Variants in SPPL3 observed in about 807,000 individuals in gnomAD.
SPPL3 encodes the protein signal peptide peptidase-like 3.
In SPPL3, 5 loss-of-function variants were observed where a neutral mutation model predicts 42.4. The ratio of observed to expected loss-of-function variants is 0.12; its 90% confidence interval spans 0.06 to 0.25. The LOEUF (loss-of-function observed/expected upper bound fraction) is 0.25. Among genes scored for constraint, SPPL3 ranks in the 10% least tolerant of loss-of-function variants. The pLI is 1.00. For synonymous variants in SPPL3, 195 were observed against 181.8 expected, an observed-to-expected ratio of 1.07 and a Z score of -0.58; for missense variants, 235 against 489.0, an observed-to-expected ratio of 0.48 and a Z score of 4.90.
intron 1 of SPPL3, among the ~76,000 whole-genome samples, chr12:120,870,304 T>G (rs565740540): frequency 0.042 from 6,332 of 151,278 alleles, 180 homozygotes; most frequent in South Asian, 0.12. Context: ...AATTAGCTGG[T>G]CGTGGTGGCG....
intron 1 of SPPL3, among the ~76,000 whole-genome samples, chr12:120,834,875 C>T (rs1387563058): frequency 6.6e-6 from 1 of 152,090 alleles, no homozygotes; most frequent in Middle Eastern, 3.2e-3. Flanking sequence ...AATCTGATAA[C>T]ATCTTATAAA....
chr12:120,838,011 C>T (rs1180552306), intron 1 of SPPL3, among the ~76,000 whole-genome samples: 1 of 152,062 alleles, frequency 6.6e-6, no homozygotes, highest in South Asian at 2.1e-4. Flanking sequence ...CCAGCCTAGG[C>T]GACTGAGCAA....
intron 1 of SPPL3, among the ~76,000 whole-genome samples, chr12:120,813,303 C>G (rs1870747167): frequency 6.7e-6 from 1 of 149,020 alleles, no homozygotes; most frequent in African/African-American, 2.5e-5. Flanking sequence ...TAATGGCAGG[C>G]TTTTGGATCC....
chr12:120,884,933 G>C (rs1001225965), intron 1 of SPPL3, among the ~76,000 whole-genome samples: 5 of 151,210 alleles, frequency 3.3e-5, no homozygotes, highest in Non-Finnish European at 7.4e-5. Context: ...TTACCAAAGA[G>C]GTCTAAACCA....
At chr12:120,831,823 C>T (rs1459616155) in intron 1 of SPPL3, among the ~76,000 whole-genome samples, 3 of 152,154 alleles carry the variant, frequency 2.0e-5, no homozygotes, top group African/African-American at 7.2e-5. Flanking sequence ...GCCACCCCCT[C>T]ACACCACTAC....
At chr12:120,865,719 T>G (rs1192441975) in intron 1 of SPPL3, among the ~76,000 whole-genome samples, 3 of 152,206 alleles carry the variant, frequency 2.0e-5, no homozygotes. Flanking sequence ...TCTACAGCAG[T>G]GTTTCCCAAG....
intron 1 of SPPL3, among the ~76,000 whole-genome samples, chr12:120,830,906 C>T (rs879438168): frequency 8.5e-5 from 13 of 152,080 alleles, no homozygotes; most frequent in Admixed American, 1.3e-4. Flanking sequence ...CGTGGTTATA[C>T]ATTATTTCTG....
chr12:120,900,938 A>G (rs1402648804), intron 1 of SPPL3, among the ~76,000 whole-genome samples: 2 of 151,690 alleles, frequency 1.3e-5, no homozygotes, highest in Non-Finnish European at 2.9e-5. Context: ...AAAAAAAAAA[A>G]AAAAGTAATC....
At chr12:120,807,658 G>C (rs1289980734) in intron 2 of SPPL3, among the ~76,000 whole-genome samples, 3 of 137,262 alleles carry the variant, frequency 2.2e-5, no homozygotes, top group Non-Finnish European at 4.6e-5. Context: ...TGGGCAACAA[G>C]AGCGAAACTC....
intron 1 of SPPL3, chr12:120,845,482 A>C: frequency 2.4e-6 from 1 of 424,104 alleles, no homozygotes; most frequent in Non-Finnish European, 4.6e-6. Context: ...ATATTCTTGT[A>C]CTCCATGGTT....
At chr12:120,801,642 AAAAC>A (rs1292957506) in intron 2 of SPPL3, among the ~76,000 whole-genome samples, 48 of 152,266 alleles carry the variant, frequency 3.2e-4, no homozygotes, top group African/African-American at 8.4e-4. Flanking sequence ...TTTTCTCATA[AAAAC>A]AAACAAACAA....
chr12:120,871,363 C>T (rs1237926934), intron 1 of SPPL3, among the ~76,000 whole-genome samples: 1 of 152,034 alleles, frequency 6.6e-6, no homozygotes, highest in African/African-American at 2.4e-5. Flanking sequence ...AGTGATAAAT[C>T]ACTGAAAGTA....
chr12:120,835,682 TAAAGACAG>T (rs1871595896), intron 1 of SPPL3: 1 of 152,186 alleles, frequency 6.6e-6, no homozygotes, highest in Non-Finnish European at 1.5e-5. Flanking sequence ...AAGCTTAATG[TAAAGACAG>T]AAATCTGTGT....
In SPPL3 at chr12:120,904,283, C is replaced by T. The variant is rs1265461936; in HGVS notation, c.-416G>A. 3 of 164,842 alleles carry T rather than the reference C, an allele frequency of 1.8e-5. No individual in the cohort carries two copies. Among genetic ancestry groups the T allele is most frequent in the Non-Finnish European group, 3.8e-5 (3 of 78,166 alleles). 10.2% of individuals were successfully genotyped at this position (164,842 alleles called of 1,614,324 possible). On this transcript the variant is annotated 5_prime_UTR_variant, in exon 1 of 11. Transcript: ENST00000353487. ...GGCGGCGGCCGGGGGACATGGCCGG[C>T]GGGCGGAGGCGGCGGCGACTGAGGG...
chr12:120,779,108 C>A lies in SPPL3; in HGVS notation c.502+3547G>T, dbSNP rs11065262. ...CTCTAAAACAAATTAAAAATAAAAACCCCAAACAATGGACCAAATACTATG... is the reference window on the plus strand; with the variant it reads ...CTCTAAAACAAATTAAAAATAAAAAACCCAAACAATGGACCAAATACTATG... On this transcript the variant is annotated intron_variant, in intron 6 of 10. Coordinates refer to ENST00000353487, the MANE Select transcript of SPPL3 (RefSeq NM_139015.5). 0.021 allele frequency among the ~76,000 whole-genome samples: 3,214 copies of A among 152,210 alleles called. 308 individuals are homozygous for A. In the East Asian group the frequency reaches 0.3, roughly 14 times the overall value.
chr12:120,869,753 A>G lies in SPPL3; in HGVS notation c.23+34092T>C, dbSNP rs116390925. ...CACCATAATGGATCAACAGAAAAGT[A>G]GTTATGAAAATGGAAACTACTACAT... On this transcript the variant is annotated intron_variant, in intron 1 of 10. Transcript: ENST00000353487. 5.9e-3 allele frequency among the ~76,000 whole-genome samples: 902 copies of G among 152,380 alleles called. 11 individuals are homozygous for G. The highest frequency in any genetic ancestry group is 0.02 in the African/African-American group (813 of 41,594).
chr12:120,900,754 A>AAAAT (rs201120804), intron 1 of SPPL3, among the ~76,000 whole-genome samples: 1 of 151,966 alleles, frequency 6.6e-6, no homozygotes, highest in South Asian at 2.1e-4. Flanking sequence ...GTAAAAATAC[A>AAAAT]AAATAAATAA....
chr12:120,887,459 T>C (rs867529977), intron 1 of SPPL3, among the ~76,000 whole-genome samples: 12 of 152,274 alleles, frequency 7.9e-5, no homozygotes, highest in Middle Eastern at 3.4e-3. Flanking sequence ...AAACCTTCAG[T>C]CATGAAACCA....
At chr12:120,797,235 C>T (rs1870129230) in intron 2 of SPPL3, among the ~76,000 whole-genome samples, 1 of 149,756 alleles carries the variant, frequency 6.7e-6, no homozygotes, top group Non-Finnish European at 1.5e-5. Flanking sequence ...GTGTAGATCT[C>T]TGGGTTTTTT....
Sources: allele counts gnomAD v4.1 joint callset (sites outside exome capture counted in the v4.1 genomes callset), GRCh38; gene constraint gnomAD v4.1.1; transcripts MANE v1.5; gene names NCBI Gene and HGNC (gene_info 2026-07-23, HGNC 2026-07-21).